The following RNF216 variants were observed in gnomAD, a reference collection of about 807,000 sequenced individuals.
RNF216 encodes E3 ubiquitin-protein ligase RNF216.
A neutral mutation model predicts 110.8 loss-of-function variants in RNF216; 72 were observed. That is an observed-to-expected ratio of 0.65 (90% CI 0.54 to 0.79). RNF216 has a LOEUF of 0.79. RNF216 is among the 30% of genes least tolerant of loss of function. RNF216 has a pLI of 0.00. For missense variants in RNF216, 1,342 were observed against 1,141.2 expected (o/e 1.18, Z -2.54); for synonymous variants, 495 against 407.5 (o/e 1.21, Z -2.59).
At chr7:5,651,470 G>A (rs562316423) in intron 14 of RNF216, among the ~76,000 whole-genome samples, 78 of 152,036 alleles carry the variant, frequency 5.1e-4, no homozygotes, top group African/African-American at 1.7e-3. Context: ...GAGCTCAAGC[G>A]ATCTACCTGC....
intron 1 of RNF216, chr7:5,766,955 A>C (rs1439525653): frequency 6.6e-6 from 1 of 152,240 alleles, no homozygotes. Context: ...AGAGAGAATA[A>C]AATTACAAGC....
intron 1 of RNF216, among the ~76,000 whole-genome samples, chr7:5,773,517 A>C (rs1796611336): frequency 6.6e-6 from 1 of 152,042 alleles, no homozygotes; most frequent in Non-Finnish European, 1.5e-5. Flanking sequence ...CTGAGATTAC[A>C]GGAGTGAGCC....
chr7:5,623,937 G>T, intron 16 of RNF216, 119 bp downstream of exon 16: 1 of 814,162 alleles, frequency 1.2e-6, no homozygotes, highest in Non-Finnish European at 1.9e-6. Context: ...AGCCACCTGA[G>T]GGACAGCACC....
intron 2 of RNF216, among the ~76,000 whole-genome samples, chr7:5,754,885 G>A (rs12671589): frequency 3.1e-4 from 47 of 151,920 alleles, no homozygotes; most frequent in Non-Finnish European, 5.4e-4. Flanking sequence ...AAAATTAGCC[G>A]GGTGTGGTGG....
At chr7:5,697,040 G>GTT (rs891517294) in intron 13 of RNF216, among the ~76,000 whole-genome samples, 4 of 151,816 alleles carry the variant, frequency 2.6e-5, no homozygotes, top group African/African-American at 7.2e-5. Flanking sequence ...CACCCTCCTT[G>GTT]TTTTGTTCTG....
intron 13 of RNF216, among the ~76,000 whole-genome samples, chr7:5,654,763 C>T (rs1159234248): frequency 7.6e-5 from 11 of 144,958 alleles, no homozygotes; most frequent in South Asian, 2.2e-4. Context: ...GCTGACAGGA[C>T]ATACATTTAA....
Position 5,622,495 on chromosome 7 carries a change from G to A in RNF216, c.*365C>T, listed in dbSNP as rs995358957. On this transcript the variant is annotated 3_prime_UTR_variant, in exon 17 of 17. Coordinates refer to ENST00000389902, the MANE Select transcript of RNF216 (RefSeq NM_207111.4). Reference sequence around the variant, plus strand: ...TGGGCCCCTCCAGGGAGATGCTCTCGGCTGCCTTGCTACCCAGGGGTCGGC... The same window carrying A: ...TGGGCCCCTCCAGGGAGATGCTCTCAGCTGCCTTGCTACCCAGGGGTCGGC... 4 of 197,778 alleles carry A rather than the reference G, an allele frequency of 2.0e-5. No homozygotes were observed. Among genetic ancestry groups the A allele is most frequent in the African/African-American group, 6.9e-5 (3 of 43,248 alleles). 12.3% of individuals were successfully genotyped at this position (197,778 alleles called of 1,614,324 possible).
chr7:5,691,983 T>G (rs1791368534), intron 13 of RNF216, among the ~76,000 whole-genome samples: 1 of 152,202 alleles, frequency 6.6e-6, no homozygotes, highest in Non-Finnish European at 1.5e-5. Flanking sequence ...TACTTTATAT[T>G]GTTACAATTG....
At chr7:5,722,865 G>A (rs1305988928) in intron 8 of RNF216, among the ~76,000 whole-genome samples, 12 of 151,824 alleles carry the variant, frequency 7.9e-5, no homozygotes, top group South Asian at 4.2e-4. Context: ...GCATGATGGC[G>A]CACACCTGTA....
intron 10 of RNF216, among the ~76,000 whole-genome samples, chr7:5,716,338 C>T (rs530685624): frequency 2.0e-4 from 31 of 152,000 alleles, no homozygotes; most frequent in African/African-American, 6.3e-4. Flanking sequence ...GGTGAAACCC[C>T]GTCTCTACTA....
chr7:5,716,460 T>C (rs1471257056), intron 10 of RNF216, among the ~76,000 whole-genome samples: 3 of 152,118 alleles, frequency 2.0e-5, no homozygotes, highest in African/African-American at 7.2e-5. Flanking sequence ...AACTTTCCTT[T>C]ATGAGTGTAT....
intron 13 of RNF216, among the ~76,000 whole-genome samples, chr7:5,698,787 G>A (rs1048606573): frequency 1.3e-5 from 2 of 152,134 alleles, no homozygotes; most frequent in African/African-American, 4.8e-5. Flanking sequence ...CTTGTGCAGA[G>A]AAACTACACA....
intron 13 of RNF216, among the ~76,000 whole-genome samples, chr7:5,697,551 T>G (rs568930985): frequency 6.6e-6 from 1 of 152,296 alleles, no homozygotes; most frequent in East Asian, 1.9e-4. Context: ...TTTTATTCTT[T>G]TGTTTGTTTA....
chr7:5,689,325 T>C (rs1408688167), intron 13 of RNF216, among the ~76,000 whole-genome samples: 1 of 144,718 alleles, frequency 6.9e-6, no homozygotes, highest in African/African-American at 2.6e-5. Context: ...CATGACTCAC[T>C]CCAAGACTTT....
chr7:5,776,968 AAG>A (rs1796821051), intron 1 of RNF216, among the ~76,000 whole-genome samples: 1 of 151,826 alleles, frequency 6.6e-6, no homozygotes, highest in Non-Finnish European at 1.5e-5. Context: ...AAGAAAGAAA[AAG>A]AAAGTGAAAG....
intron 13 of RNF216, among the ~76,000 whole-genome samples, chr7:5,665,091 C>T (rs985747592): frequency 1.1e-4 from 17 of 152,294 alleles, no homozygotes; most frequent in African/African-American, 7.2e-5. Context: ...AACCACCGCA[C>T]CCAGCCAGGA....
intron 1 of RNF216, among the ~76,000 whole-genome samples, chr7:5,762,261 A>C (rs567522160): frequency 1.3e-5 from 2 of 152,218 alleles, no homozygotes; most frequent in African/African-American, 4.8e-5. Context: ...GGTGGCTCAC[A>C]CCTGTAATCC....
At chr7:5,645,926 A>G (rs916569732) in intron 14 of RNF216, among the ~76,000 whole-genome samples, 8 of 152,076 alleles carry the variant, frequency 5.3e-5, no homozygotes, top group Non-Finnish European at 1.0e-4. Context: ...CTACTTGTTC[A>G]TACACTGTGC....
chr7:5,638,551 C>G (rs896022574), intron 15 of RNF216, among the ~76,000 whole-genome samples: 45 of 151,990 alleles, frequency 3.0e-4, no homozygotes, highest in African/African-American at 1.1e-3. Flanking sequence ...CAGCCAGGTA[C>G]TATTTTCATT....
Sources: allele counts gnomAD v4.1 joint callset (sites outside exome capture counted in the v4.1 genomes callset), GRCh38; gene constraint gnomAD v4.1.1; transcripts MANE v1.5; gene names NCBI Gene and HGNC (gene_info 2026-07-23, HGNC 2026-07-21).